Variants in AGMO observed in about 807,000 individuals in gnomAD.
AGMO encodes the protein glyceryl-ether monooxygenase.
In AGMO, 75 loss-of-function variants were observed where a neutral mutation model predicts 60.2. The observed-to-expected ratio is 1.25, with a 90% CI of 1.03 to 1.51. The LOEUF (loss-of-function observed/expected upper bound fraction) is 1.51. Among genes scored for constraint, AGMO ranks in the 40% most tolerant of loss-of-function variants. AGMO has a pLI of 0.00. For missense variants in AGMO, 763 were observed against 525.5 expected, an observed-to-expected ratio of 1.45 and a Z score of -4.42; for synonymous variants, 261 against 177.1, an observed-to-expected ratio of 1.47 and a Z score of -3.76.
the AGMO span, among the ~76,000 whole-genome samples, chr7:15,165,379 T>C: frequency 4.6e-5 from 7 of 152,074 alleles, no homozygotes; most frequent in African/African-American, 1.7e-4. Context: ...CCTGAATCTA[T>C]AAACATTAAA....
the AGMO span, among the ~76,000 whole-genome samples, chr7:15,192,814 A>G: frequency 2.0e-5 from 3 of 152,174 alleles, no homozygotes; most frequent in South Asian, 4.1e-4. Context: ...CCAGGAGCCA[A>G]GCAAACTAGC....
rs570090265 is a variant in AGMO, at chr7:15,400,004, T to C, written c.610-5825A>G. On this transcript the variant is annotated intron_variant, in intron 5 of 12. Coordinates refer to ENST00000342526, the MANE Select transcript of AGMO (RefSeq NM_001004320.2). The stretch of plus-strand genomic sequence containing the variant: ...ATTTTTCCAATGAGTTTTGTTTTCC[T>C]TTCTCTGAATGCATATTGAGAGATC... Among the ~76,000 whole-genome samples, 34 of 152,322 alleles carry C rather than the reference T, an allele frequency of 2.2e-4. No individual in the cohort carries two copies. In the South Asian group the frequency reaches 7.0e-3, roughly 32 times the overall value.
intron 12 of AGMO, among the ~76,000 whole-genome samples, chr7:15,304,248 C>T (rs183678858): frequency 5.3e-5 from 8 of 152,202 alleles, no homozygotes; most frequent in Admixed American, 2.6e-4. Flanking sequence ...TTTGTTTCAT[C>T]TTTTAAAGTC....
chr7:15,364,681 T>G (rs1782902955), intron 12 of AGMO, among the ~76,000 whole-genome samples: 1 of 152,096 alleles, frequency 6.6e-6, no homozygotes, highest in Non-Finnish European at 1.5e-5. Flanking sequence ...TTTGCAATTT[T>G]GATAGATATC....
At chr7:15,510,273 C>T (rs902979311) in intron 3 of AGMO, among the ~76,000 whole-genome samples, 1 of 152,022 alleles carries the variant, frequency 6.6e-6, no homozygotes, top group Non-Finnish European at 1.5e-5. Context: ...TCAAGTGATC[C>T]TCCCACTTCT....
intron 12 of AGMO, among the ~76,000 whole-genome samples, chr7:15,256,809 T>G (rs1360139038): frequency 6.6e-6 from 1 of 152,200 alleles, no homozygotes; most frequent in Non-Finnish European, 1.5e-5. Flanking sequence ...CTATTCCACC[T>G]AGGTTTGTGT....
chr7:15,311,390 T>A (rs1431760619), intron 12 of AGMO, among the ~76,000 whole-genome samples: 1 of 151,860 alleles, frequency 6.6e-6, no homozygotes, highest in Non-Finnish European at 1.5e-5. Context: ...CAGAAAACCC[T>A]CCCCACATTA....
chr7:15,398,807 T>A lies in AGMO; in HGVS notation c.610-4628A>T, dbSNP rs566040563. Among the ~76,000 whole-genome samples the A allele has an allele frequency of 1.1e-3, 174 of 152,280 alleles. 2 individuals are homozygous for A. Among genetic ancestry groups the A allele is most frequent in the African/African-American group, 4.0e-3 (165 of 41,578 alleles). ...ACATAGTCCAATACTTCATTATTTTTAAAAAACCCATAAAACTGAAGCTCA... is the reference window on the plus strand; with the variant it reads ...ACATAGTCCAATACTTCATTATTTTAAAAAAACCCATAAAACTGAAGCTCA... On this transcript the variant is annotated intron_variant, in intron 5 of 12. Coordinates refer to ENST00000342526, the MANE Select transcript of AGMO (RefSeq NM_001004320.2).
intron 12 of AGMO, among the ~76,000 whole-genome samples, chr7:15,291,089 T>C (rs1784251118): frequency 1.3e-5 from 2 of 152,200 alleles, no homozygotes; most frequent in Non-Finnish European, 2.9e-5. Context: ...ACTTAGAATA[T>C]AATAATATGT....
the AGMO span, among the ~76,000 whole-genome samples, chr7:15,131,745 G>T: frequency 7.3e-6 from 1 of 136,412 alleles, no homozygotes; most frequent in South Asian, 2.4e-4. Context: ...GGCTTAAAAA[G>T]CCAAAGAAAT....
chr7:15,505,467 C>G (rs1048359806), intron 3 of AGMO, among the ~76,000 whole-genome samples: 1 of 151,948 alleles, frequency 6.6e-6, no homozygotes, highest in Non-Finnish European at 1.5e-5. Context: ...CTACTCCTTG[C>G]CACTCAACCA....
rs1562521299 is a variant in AGMO at position 15,465,603 on chromosome 7, T to TATTTA, written c.410-34496_410-34495insTAAAT. ...CGTCCGGCTAATTATATATATATAT[T>TATTTA]TATATATATATATGATTTTTTTTTT... On this transcript the variant is annotated intron_variant, in intron 3 of 12. Coordinates refer to ENST00000342526, the MANE Select transcript of AGMO (RefSeq NM_001004320.2). Among the ~76,000 whole-genome samples the TATTTA allele has an allele frequency of 1.0e-4, 13 of 125,850 alleles. No individual in the cohort carries two copies. In the East Asian group the frequency reaches 2.2e-3, roughly 21 times the overall value. The allele number at this position is 125,850 out of a possible 152,430, so 82.6% of individuals were successfully genotyped here.
chr7:15,372,202 G>C (rs1039301060), intron 10 of AGMO, among the ~76,000 whole-genome samples: 8 of 152,076 alleles, frequency 5.3e-5, no homozygotes, highest in Admixed American at 2.6e-4. Context: ...TGTAATCCCA[G>C]CACTTTACGA....
intron 12 of AGMO, among the ~76,000 whole-genome samples, chr7:15,258,119 T>C (rs1367050955): frequency 6.6e-6 from 1 of 152,236 alleles, no homozygotes; most frequent in East Asian, 1.9e-4. Flanking sequence ...CTAGTATTAA[T>C]GTACTATTTT....
intron 3 of AGMO, among the ~76,000 whole-genome samples, chr7:15,520,821 C>A (rs1783963683): frequency 6.6e-6 from 1 of 152,064 alleles, no homozygotes; most frequent in African/African-American, 2.4e-5. Flanking sequence ...AATTCAAAAA[C>A]TAGCAGAGGA....
At chr7:15,424,024 G>A (rs1780994336) in intron 4 of AGMO, among the ~76,000 whole-genome samples, 1 of 152,082 alleles carries the variant, frequency 6.6e-6, no homozygotes, top group African/African-American at 2.4e-5. Flanking sequence ...ATAATTTTGT[G>A]TTTTTACAGA....
At position 15,499,932 on chromosome 7, in the gene AGMO, CAT is replaced by C. The variant is rs1554279782; in HGVS notation, c.409+44838_409+44839del. Reference sequence around the variant, plus strand: ...GCACACACACACACACACACACACACATATATATATATAATATATATATTTTT... The same window carrying C: ...GCACACACACACACACACACACACACATATATATATAATATATATATTTTT... On this transcript the variant is annotated intron_variant, in intron 3 of 12. Transcript: ENST00000342526. 9.8e-3 allele frequency among the ~76,000 whole-genome samples: 1,355 copies of C among 138,970 alleles called. 20 individuals are homozygous for C. The highest frequency in any genetic ancestry group is 0.033 in the African/African-American group (1,247 of 37,940). 91.2% of individuals were successfully genotyped at this position (138,970 alleles called of 152,430 possible). A position where few individuals can be genotyped will look rare whatever the true frequency, so the allele number is the denominator to read the frequency against.
At chr7:15,494,505 A>G (rs1465207615) in intron 3 of AGMO, among the ~76,000 whole-genome samples, 2 of 152,230 alleles carry the variant, frequency 1.3e-5, no homozygotes, top group African/African-American at 2.4e-5. Context: ...TGTGTCGGCT[A>G]AAATAGCTGG....
the AGMO span, among the ~76,000 whole-genome samples, chr7:15,128,336 C>A: frequency 6.6e-6 from 1 of 152,080 alleles, no homozygotes; most frequent in African/African-American, 2.4e-5. Flanking sequence ...ATTGAACAAA[C>A]TCTTCAATTT....
Sources: gnomAD v4.1 joint callset for allele counts (sites outside exome capture counted in the v4.1 genomes callset) on GRCh38, gnomAD v4.1.1 for gene constraint, MANE v1.5 for transcripts, NCBI Gene and HGNC (gene_info 2026-07-23, HGNC 2026-07-21) for gene names.